EML1: variants seen among roughly 807,000 people sequenced by gnomAD.
EML1 encodes the protein echinoderm microtubule-associated protein-like 1.
Under a neutral mutation model 110.4 loss-of-function variants are expected in EML1, and 27 were observed. The observed-to-expected ratio is 0.24, with a 90% CI of 0.18 to 0.34. The LOEUF (loss-of-function observed/expected upper bound fraction) is 0.34, where lower values mean the gene tolerates loss of function less well. Among genes scored for constraint, EML1 ranks in the 10% least tolerant of loss-of-function variants. The probability of loss-of-function intolerance (pLI) is 1.00; values close to 1 mark genes in which losing one functional copy is unlikely to be tolerated. For missense variants in EML1, 741 were observed against 1,030.9 expected (o/e 0.72, Z 3.85); for synonymous variants, 344 against 385.8 (o/e 0.89, Z 1.27).
At chr14:99,799,575 C>T (rs1317484265) in intron 1 of EML1, among the ~76,000 whole-genome samples, 1 of 152,140 alleles carries the variant, frequency 6.6e-6, no homozygotes, top group African/African-American at 2.4e-5. Context: ...CCACGCTAAG[C>T]GAGAATTTCT....
Position 99,939,955 on chromosome 14 carries a change from A to G in EML1, c.2323-32A>G, listed in dbSNP as rs1566950468. ...ATCCCAGATGGTTCGCCTTGTAGTA[A>G]AGGAAGCTTTCCCCCGTATCATTCC... On this transcript the variant is annotated intron_variant, in intron 21 of 21. Coordinates refer to ENST00000262233, the MANE Select transcript of EML1 (RefSeq NM_004434.3). This position sits in a 1 kb window ranked among gnomAD's most constrained non-coding sequence, Gnocchi z 4.2. The G allele has an allele frequency of 6.6e-7, 1 of 1,510,410 alleles. No homozygotes were observed. 93.6% of individuals were successfully genotyped at this position (1,510,410 alleles called of 1,614,324 possible). A position where few individuals can be genotyped will look rare whatever the true frequency, so the allele number is the denominator to read the frequency against.
At chr14:99,933,446 G>A (rs1285884714) in intron 17 of EML1, among the ~76,000 whole-genome samples, 1 of 152,210 alleles carries the variant, frequency 6.6e-6, no homozygotes, top group Non-Finnish European at 1.5e-5. Context: ...AAAGTGCTGG[G>A]ATTAGAAGCG....
chr14:99,757,269 G>C (rs747346984), intron 1 of EML1, among the ~76,000 whole-genome samples: 19 of 152,112 alleles, frequency 1.2e-4, no homozygotes, highest in Non-Finnish European at 2.5e-4. Context: ...AACCCGGGAG[G>C]TGGAGGTTGC....
chr14:99,860,618 T>C (rs1595391987), intron 2 of EML1, among the ~76,000 whole-genome samples: 1 of 152,206 alleles, frequency 6.6e-6, no homozygotes, highest in Admixed American at 6.5e-5. Flanking sequence ...CGTGATGGCA[T>C]GTGCAAAATA....
intron 1 of EML1, among the ~76,000 whole-genome samples, chr14:99,823,231 C>T (rs976104724): frequency 3.3e-5 from 5 of 152,118 alleles, no homozygotes; most frequent in African/African-American, 1.2e-4. Flanking sequence ...AGAGACCCTG[C>T]TGCTGGCAGA....
rs2060297990 is a variant in EML1 at position 99,928,197 on chromosome 14, GTGGTGGTGGTGATGGTGA to G, written c.1909+7332_1909+7349del. Among the ~76,000 whole-genome samples, 11 of 69,758 alleles carry G rather than the reference GTGGTGGTGGTGATGGTGA, an allele frequency of 1.6e-4. 4 individuals are homozygous for G. Among genetic ancestry groups the G allele is most frequent in the Non-Finnish European group, 3.0e-4 (10 of 33,400 alleles). The allele number at this position is 69,758 out of a possible 152,430, so 45.8% of individuals were successfully genotyped here. A position where few individuals can be genotyped will look rare whatever the true frequency, so the allele number is the denominator to read the frequency against. Reference sequence around the variant, plus strand: ...GGAGGTGGTGGTGGTGGTGGTGGTGGTGGTGGTGGTGATGGTGATGGTGGTGGTGGTGGTGGTGGTGGT... The same window carrying G: ...GGAGGTGGTGGTGGTGGTGGTGGTGGTGGTGGTGGTGGTGGTGGTGGTGGT... On this transcript the variant is annotated intron_variant, in intron 17 of 21. Coordinates refer to ENST00000262233, the MANE Select transcript of EML1 (RefSeq NM_004434.3).
At position 99,830,239 on chromosome 14, in the gene EML1, G is replaced by A. The variant is rs144048149; in HGVS notation, c.68-20614G>A. Among the ~76,000 whole-genome samples the A allele has an allele frequency of 4.5e-3, 690 of 152,250 alleles. 7 individuals carry two copies. Among genetic ancestry groups the A allele is most frequent in the African/African-American group, 0.016 (648 of 41,526 alleles). On this transcript the variant is annotated intron_variant, in intron 1 of 21. Transcript: ENST00000262233. Reference sequence around the variant, plus strand: ...TGGCTTTAATTTGCGTTTCTGTAATGACTAGTGATGTTGAGTGTCTTTTCA... The same window carrying A: ...TGGCTTTAATTTGCGTTTCTGTAATAACTAGTGATGTTGAGTGTCTTTTCA...
chr14:99,769,636 C>A (rs899581205), upstream of EML1, among the ~76,000 whole-genome samples: 14 of 152,196 alleles, frequency 9.2e-5, no homozygotes, highest in Non-Finnish European at 1.8e-4. Context: ...CTCTGCAGTA[C>A]CTGCCCCTAC....
chr14:99,764,136 C>A (rs1175173843), intron 1 of EML1, among the ~76,000 whole-genome samples: 2 of 152,180 alleles, frequency 1.3e-5, no homozygotes, highest in Admixed American at 1.3e-4. Flanking sequence ...GCTGTGTGAC[C>A]TTCCTCCTTT....
intron 16 of EML1, among the ~76,000 whole-genome samples, chr14:99,918,482 A>T (rs2060071702): frequency 6.6e-6 from 1 of 152,200 alleles, no homozygotes; most frequent in Non-Finnish European, 1.5e-5. Flanking sequence ...TTGATTTTGG[A>T]ATGAAGCAAG....
At chr14:99,857,315 T>C (rs2058920545) in intron 2 of EML1, among the ~76,000 whole-genome samples, 1 of 152,116 alleles carries the variant, frequency 6.6e-6, no homozygotes, top group Non-Finnish European at 1.5e-5. Flanking sequence ...ATAAAGTCTA[T>C]AATACCATTA....
rs372186839 is a variant in EML1 at position 99,931,746 on chromosome 14, C to T, written c.1910-4283C>T. 7.2e-5 allele frequency among the ~76,000 whole-genome samples: 11 copies of T among 152,248 alleles called. No individual in the cohort carries two copies. The East Asian group carries it at 1.7e-3, about 24-fold the overall frequency. Reference sequence around the variant, plus strand: ...GGCCTCTGGTTAGCATATTGACAAACGCTGGTTGGTTTTGATTTCTTAGGC... The same window carrying T: ...GGCCTCTGGTTAGCATATTGACAAATGCTGGTTGGTTTTGATTTCTTAGGC... On this transcript the variant is annotated intron_variant, in intron 17 of 21. Transcript: ENST00000262233.
At chr14:99,825,882 A>G in intron 1 of EML1, among the ~76,000 whole-genome samples, 1 of 152,166 alleles carries the variant, frequency 6.6e-6, no homozygotes, top group African/African-American at 2.4e-5. Context: ...AACTCATTTT[A>G]GATGTAAGGC....
intron 1 of EML1, among the ~76,000 whole-genome samples, chr14:99,821,797 C>G (rs2058267800): frequency 6.6e-6 from 1 of 152,210 alleles, no homozygotes; most frequent in Non-Finnish European, 1.5e-5. Flanking sequence ...ATCTAAAAAT[C>G]ATTGAGATTA....
intron 4 of EML1, 132 bp downstream of exon 4, chr14:99,878,751 A>G: frequency 7.8e-7 from 1 of 1,283,156 alleles, no homozygotes; most frequent in Non-Finnish European, 1.0e-6. Flanking sequence ...CCTTCTCCTC[A>G]GGTATTTATA....
chr14:99,935,617 A>G lies in EML1; in HGVS notation c.1910-412A>G, dbSNP rs561545474. On this transcript the variant is annotated intron_variant, in intron 17 of 21. Coordinates refer to ENST00000262233, the MANE Select transcript of EML1 (RefSeq NM_004434.3). ...GCTAACACGTTGAAACCTCGTCTCT[A>G]CCGAAAATACAAAAAATTAGCCAAG... 2.0e-5 allele frequency among the ~76,000 whole-genome samples: 3 copies of G among 152,174 alleles called. No individual in the cohort carries two copies. The South Asian group carries it at 6.2e-4, about 32-fold the overall frequency.
At chr14:99,817,459 G>A (rs924090040) in intron 1 of EML1, among the ~76,000 whole-genome samples, 8 of 152,228 alleles carry the variant, frequency 5.3e-5, no homozygotes, top group Non-Finnish European at 4.4e-5. Flanking sequence ...GCACAGCGAC[G>A]TGGTGCCTGT....
chr14:99,745,345 C>A (rs1209625668), intron 1 of EML1, among the ~76,000 whole-genome samples: 1 of 152,228 alleles, frequency 6.6e-6, no homozygotes, highest in Non-Finnish European at 1.5e-5. Flanking sequence ...AGATCACAGG[C>A]ATGAGCCATC....
intron 1 of EML1, among the ~76,000 whole-genome samples, chr14:99,823,034 C>A (rs1307265390): frequency 6.6e-6 from 1 of 152,088 alleles, no homozygotes. Context: ...TCCAGCAAGC[C>A]TAAGCGCCGG....
Sources: allele counts gnomAD v4.1 joint callset (sites outside exome capture counted in the v4.1 genomes callset), GRCh38; gene constraint gnomAD v4.1.1; non-coding constraint Gnocchi (gnomAD v3.1); transcripts MANE v1.5; gene names NCBI Gene and HGNC (gene_info 2026-07-23, HGNC 2026-07-21).